PHF3: variants seen among roughly 807,000 people sequenced by gnomAD.
PHF3 encodes PHD finger protein 3.
Under a neutral mutation model 178.4 loss-of-function variants are expected in PHF3, and 41 were observed. The ratio of observed to expected loss-of-function variants is 0.23; its 90% CI spans 0.18 to 0.30. The LOEUF (loss-of-function observed/expected upper bound fraction) is 0.30, where lower values mean the gene tolerates loss of function less well. Ranked by LOEUF, PHF3 falls within the 10% of genes least tolerant of loss-of-function variation. PHF3 has a pLI of 1.00. For missense variants in PHF3, 2,346 were observed against 2,398.1 expected, an observed-to-expected ratio of 0.98 and a Z score of 0.45; for synonymous variants, 842 against 800.5, an observed-to-expected ratio of 1.05 and a Z score of -0.88.
At chr6:63,643,678 C>G (rs1210943009) in intron 1 of PHF3, among the ~76,000 whole-genome samples, 1 of 152,200 alleles carries the variant, frequency 6.6e-6, no homozygotes, top group East Asian at 1.9e-4. Context: ...TCTATCTCCA[C>G]TTGTGACTGT....
At chr6:63,685,971 G>A (rs767632370) in intron 4 of PHF3, 60 bp downstream of exon 4, 1 of 1,204,276 alleles carries the variant, frequency 8.3e-7, no homozygotes, top group South Asian at 1.4e-5. Context: ...TTTTTTGGGG[G>A]TGGGATTAAT....
In PHF3 at chr6:63,715,496, A is replaced by G. The variant is rs1768159865; in HGVS notation, c.*1788A>G. The G allele has an allele frequency of 1.3e-5, 2 of 152,170 alleles. No homozygotes were observed. Among genetic ancestry groups the G allele is most frequent in the Non-Finnish European group, 1.5e-5 (1 of 68,030 alleles). The allele number at this position is 152,170 out of a possible 1,614,324, so 9.4% of individuals were successfully genotyped here. On this transcript the variant is annotated 3_prime_UTR_variant, in exon 16 of 16. Coordinates refer to ENST00000262043, the MANE Select transcript of PHF3 (RefSeq NM_001370348.2). The stretch of plus-strand genomic sequence containing the variant: ...CTTTACTGATATATCTGGTTGAGGG[A>G]ATATCAGACTCCAGATTTCTTTTGC...
intron 13 of PHF3, among the ~76,000 whole-genome samples, chr6:63,707,962 G>A (rs961012323): frequency 6.6e-6 from 1 of 151,912 alleles, no homozygotes; most frequent in Non-Finnish European, 1.5e-5. Flanking sequence ...TGCCTCCCGG[G>A]TTCAACCATT....
At chr6:63,711,083 T>C (rs909126953) in intron 14 of PHF3, 84 bp from the exon 15 acceptor site, 7 of 921,814 alleles carry the variant, frequency 7.6e-6, no homozygotes, top group Non-Finnish European at 1.1e-5. Context: ...TTCAATAGAT[T>C]ATTACTAATT....
At chr6:63,674,235 T>C (rs1211190609) in intron 2 of PHF3, among the ~76,000 whole-genome samples, 8 of 141,226 alleles carry the variant, frequency 5.7e-5, no homozygotes, top group Non-Finnish European at 7.9e-5. Flanking sequence ...CTGTAAATAT[T>C]TTATATTTTT....
intron 2 of PHF3, among the ~76,000 whole-genome samples, chr6:63,656,573 C>A (rs1441730198): frequency 6.6e-6 from 1 of 152,054 alleles, no homozygotes; most frequent in Non-Finnish European, 1.5e-5. Flanking sequence ...TTCATTTTTC[C>A]CCTGGAGATT....
Position 63,721,495 on chromosome 6 carries a change from C to T in PHF3, c.*7787C>T. 1 of 1,551,386 alleles carries T rather than the reference C, an allele frequency of 6.4e-7. No individual in the cohort carries two copies. The highest frequency in any genetic ancestry group is 2.0e-5 in the Admixed American group (1 of 50,966). On this transcript the variant is annotated 3_prime_UTR_variant, in exon 16 of 16. Coordinates refer to ENST00000262043, the MANE Select transcript of PHF3 (RefSeq NM_001370348.2). ...TTTATGATAACTTGTCGGATACAGC[C>T]TTGAAAACCTACAGGTTCATTTTCT...
Position 63,711,025 on chromosome 6 carries a change from C to T in PHF3, c.3802-142C>T, listed in dbSNP as rs1357365309. ...AGTTACTTGCTTTTAATATTCTCTT[C>T]TGTATTTAAGTTGGTAAACCACGTT... On this transcript the variant is annotated intron_variant, in intron 14 of 15. Transcript: ENST00000262043. 7.6e-6 allele frequency: 4 copies of T among 527,886 alleles called. 1 individual carries two copies. The highest frequency in any genetic ancestry group is 1.3e-5 in the Non-Finnish European group (4 of 307,186). 32.7% of individuals were successfully genotyped at this position (527,886 alleles called of 1,614,324 possible).
intron 2 of PHF3, among the ~76,000 whole-genome samples, chr6:63,655,744 T>G (rs1765205480): frequency 6.6e-6 from 1 of 152,234 alleles, no homozygotes. Context: ...GGTTTGTTTC[T>G]TGTTGTTTTA....
At chr6:63,639,965 T>C (rs906688586) in intron 1 of PHF3, among the ~76,000 whole-genome samples, 1 of 152,260 alleles carries the variant, frequency 6.6e-6, no homozygotes, top group South Asian at 2.1e-4. Flanking sequence ...TGTTGGCTAC[T>C]GTAATTCTGT....
In PHF3 at chr6:63,712,615, G is replaced by T; in HGVS notation, c.5027G>T (p.Gly1676Val). The change falls in exon 16 of 16, where the codon GGA (glycine) becomes GTA (valine). Residue 1676 changes from glycine to valine, a missense_variant. By Grantham distance (109) the Gly-to-Val change is moderately radical (BLOSUM62 -3). Around this residue, in one of 8 missense-constraint regions of PHF3, gnomAD observed 839 missense variants for 806.9 expected, o/e 1.04. Transcript: ENST00000262043. ...ESKDGDSCRN[G>V]EKHMLPGLSH... ...AAAGATGGAGATAGTTGCCGGAATG[G>T]AGAAAAACACATGCTGCCTGGCCTG... 1 of 1,613,900 alleles carries T rather than the reference G, an allele frequency of 6.2e-7. No individual in the cohort carries two copies.
chr6:63,702,432 G>A (rs1767513799), intron 9 of PHF3, 76 bp from the exon 10 acceptor site: 3 of 966,156 alleles, frequency 3.1e-6, no homozygotes, highest in Non-Finnish European at 4.4e-6. Flanking sequence ...TTTTAGGTAA[G>A]CTCTTATTAT....
At position 63,716,227 on chromosome 6, in the gene PHF3, T is replaced by C. The variant is rs1369097664; in HGVS notation, c.*2519T>C. Among the ~76,000 whole-genome samples, 2 of 152,184 alleles carry C rather than the reference T, an allele frequency of 1.3e-5. No individual in the cohort carries two copies. The highest frequency in any genetic ancestry group is 2.9e-5 in the Non-Finnish European group (2 of 68,014). ...GAAACTTGGCCAGGTTACCCTGCTGTTGTCAGAGCAGGAATCCTACCTAGC... is the reference window on the plus strand; with the variant it reads ...GAAACTTGGCCAGGTTACCCTGCTGCTGTCAGAGCAGGAATCCTACCTAGC... On this transcript the variant is annotated 3_prime_UTR_variant, in exon 16 of 16. Transcript: ENST00000262043.
At chr6:63,711,502 C>A in intron 15 of PHF3, 84 bp from the exon 16 acceptor site, 2 of 1,375,068 alleles carry the variant, frequency 1.5e-6, no homozygotes, top group Non-Finnish European at 2.0e-6. Context: ...ATTTAATATC[C>A]TGTAATAAGT....
intron 3 of PHF3, 26 bp from the exon 4 acceptor site, chr6:63,684,103 T>G (rs778562322): frequency 2.9e-5 from 43 of 1,502,456 alleles, no homozygotes; most frequent in Non-Finnish European, 3.5e-5. Flanking sequence ...CTAAGTATTT[T>G]TATTTATTTT....
At position 63,717,897 on chromosome 6, in the gene PHF3, A is replaced by T. The variant is rs562111273; in HGVS notation, c.*4189A>T. On this transcript the variant is annotated 3_prime_UTR_variant, in exon 16 of 16. Coordinates refer to ENST00000262043, the MANE Select transcript of PHF3 (RefSeq NM_001370348.2). ...GTAAATATTACTGCACCTTATTTTT[A>T]AAAAATGTTCCGTTTACATTCAACA... Among the ~76,000 whole-genome samples, 446 of 152,144 alleles carry T rather than the reference A, an allele frequency of 2.9e-3. No individual in the cohort carries two copies. The highest frequency in any genetic ancestry group is 0.01 in the African/African-American group (422 of 41,544).
In PHF3 at chr6:63,725,436, C is replaced by T. The variant is rs1768578552; in HGVS notation, c.*11728C>T. Among the ~76,000 whole-genome samples the T allele has an allele frequency of 6.6e-6, 1 of 152,072 alleles. No individual in the cohort carries two copies. The highest frequency in any genetic ancestry group is 1.5e-5 in the Non-Finnish European group (1 of 67,958). On this transcript the variant is annotated 3_prime_UTR_variant, in exon 16 of 16. Coordinates refer to ENST00000262043, the MANE Select transcript of PHF3 (RefSeq NM_001370348.2). ...GCCCTCTTACATAGGTCCCACTTAA[C>T]ATTAATTTTGAGTTTTATTAGCAAT...
chr6:63,699,026 T>C (rs1460201433), intron 8 of PHF3, among the ~76,000 whole-genome samples: 3 of 152,232 alleles, frequency 2.0e-5, no homozygotes, highest in Non-Finnish European at 4.4e-5. Context: ...AAATGTAATT[T>C]ATTTTCTTAA....
At chr6:63,699,190 G>A (rs536595472) in intron 8 of PHF3, among the ~76,000 whole-genome samples, 3 of 152,222 alleles carry the variant, frequency 2.0e-5, no homozygotes, top group South Asian at 2.1e-4. Context: ...ATGTGTGTGC[G>A]TGTATGTGTC....
Sources: allele counts gnomAD v4.1 joint callset (sites outside exome capture counted in the v4.1 genomes callset), GRCh38; gene constraint gnomAD v4.1.1; regional missense constraint gnomAD v4.1.1; transcripts MANE v1.5; gene names NCBI Gene and HGNC (gene_info 2026-07-23, HGNC 2026-07-21).